PUSL1: variants seen among roughly 807,000 people sequenced by gnomAD.
PUSL1 encodes the protein pseudouridine synthase like 1.
In PUSL1, 51 loss-of-function variants were observed where a neutral mutation model predicts 30.7. The ratio of observed to expected loss-of-function variants is 1.66; its 90% confidence interval spans 1.33 to 2.10. The LOEUF (loss-of-function observed/expected upper bound fraction) is 2.10, where lower values mean the gene tolerates loss of function less well. Among genes scored for constraint, PUSL1 ranks in the 30% most tolerant of loss-of-function variants. The pLI, the probability that PUSL1 is intolerant of heterozygous loss-of-function variation, is 0.00. For missense variants in PUSL1, 609 were observed against 427.6 expected (o/e 1.42, Z -3.74); for synonymous variants, 290 against 192.1 (o/e 1.51, Z -4.21).
chr1:1,310,412 G>A (rs1266147629), intron 5 of PUSL1: 31 of 550,722 alleles, frequency 5.6e-5, no homozygotes, highest in Non-Finnish European at 1.0e-4. Flanking sequence ...CCAGCCTCCA[G>A]GGTCCTGCTG....
Position 1,310,855 on chromosome 1 carries a change from G to A in PUSL1, c.700-54G>A, listed in dbSNP as rs534454813. On this transcript the variant is annotated intron_variant, in intron 6 of 7. Coordinates refer to ENST00000379031, the MANE Select transcript of PUSL1 (RefSeq NM_153339.3). ...TGGGTCACAGGTACGGAGGATGACGGCTGTGCTGGTGGGTCACGGGCGGCT... is the reference window on the plus strand; with the variant it reads ...TGGGTCACAGGTACGGAGGATGACGACTGTGCTGGTGGGTCACGGGCGGCT... The A allele has an allele frequency of 1.8e-4, 282 of 1,602,092 alleles. 2 individuals carry two copies. Among genetic ancestry groups the A allele is most frequent in the Non-Finnish European group, 1.8e-4 (213 of 1,176,800 alleles).
At chr1:1,308,827 C>CG in intron 1 of PUSL1, 88 bp from the exon 2 acceptor site, 4 of 1,440,860 alleles carry the variant, frequency 2.8e-6, no homozygotes, top group Non-Finnish European at 3.7e-6. Context: ...TCCAAACGTT[C>CG]GGGGAAGGAA....
In PUSL1 at chr1:1,308,735, C is replaced by G; in HGVS notation, c.77+15C>G. ...ACCGACTTTAAGTAGGTTTCCCAGG[C>G]GCAGCGGCGGGCGCCACGTGGGCCC... is the stretch of plus-strand genomic sequence containing the variant. On this transcript the variant is annotated intron_variant, in intron 1 of 7. Coordinates refer to ENST00000379031, the MANE Select transcript of PUSL1 (RefSeq NM_153339.3). 6.5e-7 allele frequency: 1 copy of G among 1,533,778 alleles called. No individual in the cohort carries two copies. Among genetic ancestry groups the G allele is most frequent in the South Asian group, 1.2e-5 (1 of 82,762 alleles).
rs200051764 is a variant in PUSL1, at chr1:1,310,896, C to T, written c.700-13C>T. On this transcript the variant is annotated splice_polypyrimidine_tract_variant and intron_variant, in intron 6 of 7. Transcript: ENST00000379031. The stretch of plus-strand genomic sequence containing the variant: ...ACGGGCGGCTCTGGGTCACAGGTGG[C>T]TCTGGGTCACAGGTACGGAGGATGA... The T allele has an allele frequency of 5.2e-5, 84 of 1,601,870 alleles. No individual in the cohort carries two copies. Among genetic ancestry groups the T allele is most frequent in the Non-Finnish European group, 6.8e-6 (8 of 1,172,678 alleles).
intron 5 of PUSL1, 149 bp downstream of exon 5, chr1:1,310,000 G>A: frequency 5.0e-6 from 3 of 603,840 alleles, no homozygotes; most frequent in East Asian, 3.1e-5. Context: ...GATTCGCCCG[G>A]ACGCCCCCCA....
rs774845482 is a variant in PUSL1 at position 1,309,840 on chromosome 1, CG to C, written c.634del (p.Glu212ArgfsTer26). 5.2e-4 allele frequency: 800 copies of C among 1,524,774 alleles called. 1 individual carries two copies. Among genetic ancestry groups the C allele is most frequent in the Non-Finnish European group, 4.9e-4 (557 of 1,130,252 alleles). The allele number at this position is 1,524,774 out of a possible 1,614,324, so 94.5% of individuals were successfully genotyped here. A position where few individuals can be genotyped will look rare whatever the true frequency, so the allele number is the denominator to read the frequency against. ...PGQASPLVTPEESRKLRFWNL... is the reference protein window; with the variant it reads ...PGQASPLVTPXESRKLRFWNL... ...GCCAAGCCAGCCCCTTGGTCACCCCCGAGGAGAGCAGGTGAGGAAGGGCCCC... is the reference window on the plus strand; with the variant it reads ...GCCAAGCCAGCCCCTTGGTCACCCCCAGGAGAGCAGGTGAGGAAGGGCCCC... On this transcript the variant is annotated frameshift_variant, in exon 5 of 8. Coordinates refer to ENST00000379031, the MANE Select transcript of PUSL1 (RefSeq NM_153339.3). LOFTEE classifies it high-confidence loss of function.
intron 6 of PUSL1, 84 bp downstream of exon 6, chr1:1,310,772 C>T (rs1240748459): frequency 5.6e-6 from 9 of 1,598,326 alleles, no homozygotes; most frequent in Middle Eastern, 1.7e-4. Context: ...GGGTCGTGGG[C>T]GGCTCTGGGT....
At position 1,311,037 on chromosome 1, in the gene PUSL1, C is replaced by T. The variant is rs746086759; in HGVS notation, c.828C>T (p.Gly276=). The change falls in exon 7 of 8, where the codon GGC becomes GGT. Residue 276 remains glycine, a synonymous_variant. Coordinates refer to ENST00000379031, the MANE Select transcript of PUSL1 (RefSeq NM_153339.3). ...AGACACGTGTAGCCCCAGCCCACGG[C>T]TTATTCCTCAAGTCAGTGCTGTACG... ...KHQTRVAPAH[G]LFLKSVLYGN... The T allele has an allele frequency of 3.7e-6, 6 of 1,611,922 alleles. No individual in the cohort carries two copies. In the Admixed American group the frequency reaches 5.0e-5, roughly 13 times the overall value.
intron 4 of PUSL1, 34 bp from the exon 5 acceptor site, chr1:1,309,647 C>T: frequency 6.3e-7 from 1 of 1,597,104 alleles, no homozygotes; most frequent in Non-Finnish European, 8.6e-7. Flanking sequence ...GCAGGCCGGC[C>T]CCACCCTCCT....
At chr1:1,308,998 C>A in intron 2 of PUSL1, 26 bp downstream of exon 2, 1 of 1,395,400 alleles carries the variant, frequency 7.2e-7, no homozygotes, top group East Asian at 2.9e-5. Flanking sequence ...CACGGGACGC[C>A]CGGTGAGGGG....
At chr1:1,310,032 C>T (rs541443316) in intron 5 of PUSL1, 181 bp downstream of exon 5, 104 of 557,242 alleles carry the variant, frequency 1.9e-4, no homozygotes, top group African/African-American at 1.8e-3. Flanking sequence ...TGCCCTCCCC[C>T]CAGGCTGGGG....
At chr1:1,310,368 G>C in intron 5 of PUSL1, 1 of 500,060 alleles carries the variant, frequency 2.0e-6, no homozygotes, top group Non-Finnish European at 3.6e-6. Flanking sequence ...TGAGGGCCCA[G>C]GGCAAGCCCC....
intron 5 of PUSL1, 112 bp downstream of exon 5, chr1:1,309,963 G>A (rs886749361): frequency 2.5e-4 from 216 of 861,972 alleles, no homozygotes; most frequent in Non-Finnish European, 8.9e-5. Context: ...GCAGCCGGGA[G>A]TCCTCAGGAC....
intron 1 of PUSL1, 48 bp downstream of exon 1, chr1:1,308,768 G>C (rs1641912219): frequency 1.4e-6 from 2 of 1,478,340 alleles, no homozygotes; most frequent in East Asian, 5.7e-5. Context: ...CCCGGGCGGA[G>C]GCGGGAAGGA....
In PUSL1 at chr1:1,308,665, G is replaced by C. The variant is rs746879486; in HGVS notation, c.22G>C (p.Gly8Arg). 1 of 1,544,144 alleles carries C rather than the reference G, an allele frequency of 6.5e-7. No individual in the cohort carries two copies. The highest frequency in any genetic ancestry group is 8.7e-7 in the Non-Finnish European group (1 of 1,149,554). The change falls in exon 1 of 8, where the codon GGC becomes CGC. Residue 8 changes from glycine to arginine, a missense_variant. By Grantham distance (125) the Gly-to-Arg change is moderately radical. Coordinates refer to ENST00000379031, the MANE Select transcript of PUSL1 (RefSeq NM_153339.3). MSSAPAS[G>R]SVRARYLVYF... ...CGCCATGAGTTCGGCGCCGGCCTCA[G>C]GCTCCGTGCGCGCGCGCTATCTTGT...
chr1:1,310,483 CAGG>C (rs1481247807), intron 5 of PUSL1, 148 bp from the exon 6 acceptor site: 33 of 676,556 alleles, frequency 4.9e-5, no homozygotes, highest in Non-Finnish European at 6.6e-5. Flanking sequence ...TCACTGGGGG[CAGG>C]AGATCAGCCA....
At position 1,308,730 on chromosome 1, in the gene PUSL1, C is replaced by T; in HGVS notation, c.77+10C>T. 5.2e-6 allele frequency: 8 copies of T among 1,541,254 alleles called. No homozygotes were observed. The highest frequency in any genetic ancestry group is 7.0e-6 in the Non-Finnish European group (8 of 1,145,600). Reference sequence around the variant, plus strand: ...TGGGCACCGACTTTAAGTAGGTTTCCCAGGCGCAGCGGCGGGCGCCACGTG... The same window carrying T: ...TGGGCACCGACTTTAAGTAGGTTTCTCAGGCGCAGCGGCGGGCGCCACGTG... On this transcript the variant is annotated intron_variant, in intron 1 of 7. Transcript: ENST00000379031.
Position 1,309,198 on chromosome 1 carries a change from G to A in PUSL1, c.248G>A (p.Arg83His). 1 of 1,530,420 alleles carries A rather than the reference G, an allele frequency of 6.5e-7. No individual in the cohort carries two copies. Among genetic ancestry groups the A allele is most frequent in the Non-Finnish European group, 8.7e-7 (1 of 1,147,614 alleles). 94.8% of individuals were successfully genotyped at this position (1,530,420 alleles called of 1,614,324 possible). Residue 83 changes from arginine (R) to histidine (H), a missense_variant, in exon 3 of 8, where the codon CGC (arginine) becomes CAC (histidine). Coordinates refer to ENST00000379031, the MANE Select transcript of PUSL1 (RefSeq NM_153339.3). ...SNAAHLDVQR[R>H]SGRPPFPPEV... The stretch of plus-strand genomic sequence containing the variant: ...GCGGCGCACCTGGACGTCCAGCGCC[G>A]CTCAGGCCGGCCGCCCTTCCCGCCC...
rs768269665 is a variant in PUSL1, at chr1:1,308,975, G to A, written c.135+3G>A. On this transcript the variant is annotated splice_donor_region_variant and intron_variant, in intron 2 of 7. Coordinates refer to ENST00000379031, the MANE Select transcript of PUSL1 (RefSeq NM_153339.3). ...TCGGGGTCCAGAACTACCTGGAGGT[G>A]CGCTCAGCCGGTCACGGGACGCCCG... The A allele has an allele frequency of 1.3e-5, 18 of 1,412,390 alleles. No individual in the cohort carries two copies. Among genetic ancestry groups the A allele is most frequent in the Non-Finnish European group, 2.8e-6 (3 of 1,087,364 alleles). 87.5% of individuals were successfully genotyped at this position (1,412,390 alleles called of 1,614,324 possible).
Sources: allele counts gnomAD v4.1 joint callset, GRCh38; gene constraint gnomAD v4.1.1; transcripts MANE v1.5; gene names NCBI Gene and HGNC (gene_info 2026-07-23, HGNC 2026-07-21).